Variants in ARFGEF1 observed in about 807,000 individuals in gnomAD.
ARFGEF1 encodes brefeldin A-inhibited guanine nucleotide-exchange protein 1.
In ARFGEF1, 42 loss-of-function variants were observed where a neutral mutation model predicts 231.0. The ratio of observed to expected loss-of-function variants is 0.18; its 90% confidence interval spans 0.14 to 0.24. The LOEUF is 0.24. Ranked by LOEUF, ARFGEF1 falls within the 10% of genes least tolerant of loss-of-function variation. The pLI, the probability that ARFGEF1 is intolerant of heterozygous loss-of-function variation, is 1.00. For synonymous variants in ARFGEF1, 710 were observed against 732.3 expected (o/e 0.97, Z 0.49); for missense variants, 1,345 against 2,192.0 (o/e 0.61, Z 7.72).
intron 5 of ARFGEF1, among the ~76,000 whole-genome samples, chr8:67,292,838 A>G (rs569470291): frequency 2.0e-5 from 3 of 152,286 alleles, no homozygotes; most frequent in Non-Finnish European, 4.4e-5. Flanking sequence ...AGACCTGATA[A>G]GAATGAGTCT....
chr8:67,211,567 T>C lies in ARFGEF1; in HGVS notation c.4735A>G (p.Arg1579Gly), dbSNP rs755463973. The C allele has an allele frequency of 6.4e-7, 1 of 1,569,510 alleles. No homozygotes were observed. Among genetic ancestry groups the C allele is most frequent in the Admixed American group, 1.8e-5 (1 of 54,482 alleles). The change falls in exon 34 of 39, where the codon AGG (arginine) becomes GGG (glycine). Residue 1579 changes from arginine to glycine, a missense_variant. This residue lies in a region of ARFGEF1 where 89 missense variants were observed against 74.8 expected (regional missense o/e 1.19). Transcript: ENST00000262215. ...SVDIHDSIQPRSVDNRPQAPL... is the reference protein window; with the variant it reads ...SVDIHDSIQPGSVDNRPQAPL... ...GCTTGTGGTCTGTTATCCACAGACC[T>C]TGGTTGAATAGAATCATGAATATCT... is the stretch of plus-strand genomic sequence containing the variant.
intron 17 of ARFGEF1, among the ~76,000 whole-genome samples, chr8:67,255,780 C>T (rs1840434999): frequency 6.6e-6 from 1 of 152,184 alleles, no homozygotes; most frequent in Non-Finnish European, 1.5e-5. Flanking sequence ...CAAGCAGTTG[C>T]CACCGCTAGA....
chr8:67,178,328 G>C lies in ARFGEF1; in HGVS notation c.561-2756C>G, dbSNP rs558951605. On this transcript the variant is annotated intron_variant, in intron 5 of 5. Coordinates refer to the ARFGEF1 transcript ENST00000518789. The stretch of plus-strand genomic sequence containing the variant: ...TAACACCCACCTGTATCCTGAGGGG[G>C]GTACTTTTTGTGCAAGACTGAATAA... Among the ~76,000 whole-genome samples the C allele has an allele frequency of 2.8e-4, 43 of 152,200 alleles. 2 individuals carry two copies. In the South Asian group the frequency reaches 8.7e-3, roughly 31 times the overall value.
chr8:67,267,528 C>T, intron 10 of ARFGEF1, 86 bp from the exon 11 acceptor site: 1 of 848,556 alleles, frequency 1.2e-6, no homozygotes, highest in Non-Finnish European at 1.9e-6. Flanking sequence ...AGCTATAGAG[C>T]AGGTATTAGG....
chr8:67,226,981 ATAG>A (rs1485148724), intron 27 of ARFGEF1, among the ~76,000 whole-genome samples, 153 bp downstream of exon 27: 2 of 152,132 alleles, frequency 1.3e-5, no homozygotes, highest in Non-Finnish European at 2.9e-5. Context: ...GTTAACTATA[ATAG>A]TAATTTAATT....
downstream of ARFGEF1, chr8:67,174,225 A>G (rs1057418064): frequency 2.0e-5 from 3 of 152,116 alleles, no homozygotes; most frequent in Non-Finnish European, 4.4e-5. Context: ...CCAGGGACCA[A>G]TCCAAGTTTA....
rs143715317 is a variant in ARFGEF1 at position 67,314,769 on chromosome 8, G to A, written c.125-12303C>T. On this transcript the variant is annotated intron_variant, in intron 1 of 38. Transcript: ENST00000262215. ...CAAGCCTCCACATGCTGCTCTGTCC[G>A]GAGCTGCAATCTAATCTGGCCTCCT... Among the ~76,000 whole-genome samples the A allele has an allele frequency of 7.9e-3, 1,200 of 152,266 alleles. 12 individuals carry two copies. Among genetic ancestry groups the A allele is most frequent in the African/African-American group, 0.027 (1,140 of 41,542 alleles).
chr8:67,267,306 A>T, intron 11 of ARFGEF1, 37 bp downstream of exon 11: 1 of 1,585,964 alleles, frequency 6.3e-7, no homozygotes, highest in South Asian at 1.2e-5. Flanking sequence ...ATATCTAATA[A>T]TAAGAAAGAG....
chr8:67,198,079 T>C lies in ARFGEF1; in HGVS notation c.*855A>G. 1.0e-6 allele frequency: 1 copy of C among 985,850 alleles called. No homozygotes were observed. Among genetic ancestry groups the C allele is most frequent in the Non-Finnish European group, 1.2e-6 (1 of 829,920 alleles). The allele number at this position is 985,850 out of a possible 1,614,324, so 61.1% of individuals were successfully genotyped here. The stretch of plus-strand genomic sequence containing the variant: ...TTTGGTCCATAAAGGATCATTCTAT[T>C]TTAATGGCTCATCTTTAAAAGTCCT... On this transcript the variant is annotated 3_prime_UTR_variant, in exon 39 of 39. Transcript: ENST00000262215.
intron 1 of ARFGEF1, among the ~76,000 whole-genome samples, chr8:67,340,143 A>G (rs1991656): frequency 6.6e-5 from 10 of 152,330 alleles, no homozygotes; most frequent in African/African-American, 2.4e-4. Flanking sequence ...AATACTCAGA[A>G]ATCTACTCAC....
At chr8:67,209,093 T>G (rs1006521190) in intron 34 of ARFGEF1, among the ~76,000 whole-genome samples, 15 of 152,216 alleles carry the variant, frequency 9.9e-5, no homozygotes, top group Non-Finnish European at 2.2e-4. Flanking sequence ...CCTAGGTAGA[T>G]AATGCAAAAG....
In ARFGEF1 at chr8:67,302,453, C is replaced by T. The variant is rs200958586; in HGVS notation, c.138G>A (p.Ala46=). Residue 46 remains alanine, a synonymous_variant, in exon 2 of 39, where the codon GCG becomes GCA. Coordinates refer to ENST00000262215, the MANE Select transcript of ARFGEF1 (RefSeq NM_006421.5). Reference sequence around the variant, plus strand: ...CCACAAACCTCTGTTTTTCAGTTTCCGCTTTTATTTCCTCTGAGGGGAAAA... The same window carrying T: ...CCACAAACCTCTGTTTTTCAGTTTCTGCTTTTATTTCCTCTGAGGGGAAAA... ...ACEVALEEIK[A]ETEKQSPPHG... 15 of 1,570,196 alleles carry T rather than the reference C, an allele frequency of 9.6e-6. No homozygotes were observed. The highest frequency in any genetic ancestry group is 4.1e-5 in the African/African-American group (3 of 72,770).
chr8:67,301,100 GA>G, intron 3 of ARFGEF1, 123 bp downstream of exon 3: 1 of 950,772 alleles, frequency 1.1e-6, no homozygotes, highest in Non-Finnish European at 1.5e-6. Flanking sequence ...AAATCACTTG[GA>G]TTTTTTACCA....
chr8:67,341,689 T>C (rs1234502472), intron 1 of ARFGEF1, among the ~76,000 whole-genome samples: 1 of 152,198 alleles, frequency 6.6e-6, no homozygotes, highest in African/African-American at 2.4e-5. Context: ...AACAATTCTT[T>C]TAAAAATCCT....
intron 17 of ARFGEF1, among the ~76,000 whole-genome samples, chr8:67,255,045 G>A (rs1840411237): frequency 6.6e-6 from 1 of 152,172 alleles, no homozygotes; most frequent in East Asian, 1.9e-4. Flanking sequence ...GAAATTTTAA[G>A]CATGGCAAAA....
At chr8:67,242,323 G>C (rs534806708) in intron 19 of ARFGEF1, among the ~76,000 whole-genome samples, 25 of 152,352 alleles carry the variant, frequency 1.6e-4, no homozygotes, top group Admixed American at 1.4e-3. Context: ...AAGGAAAGGA[G>C]AGGGAAGAAT....
At chr8:67,222,227 A>ATATGTATATGTATG (rs1839213904) in intron 29 of ARFGEF1, among the ~76,000 whole-genome samples, 2 of 115,156 alleles carry the variant, frequency 1.7e-5, no homozygotes, top group South Asian at 5.7e-4. Context: ...ATATATATGT[A>ATATGTATATGTATG]TATGTATGTA....
rs1839422439 is a variant in ARFGEF1, at chr8:67,227,697, A to G, written c.3592-99T>C. ...TTAGAAAAAGTATAGAATAGCATAG[A>G]TAGGTAAATCCTAAGATTTTCCATA... On this transcript the variant is annotated intron_variant, in intron 25 of 38. Transcript: ENST00000262215. 4 of 1,295,752 alleles carry G rather than the reference A, an allele frequency of 3.1e-6. No individual in the cohort carries two copies. In the Admixed American group the frequency reaches 6.8e-5, roughly 22 times the overall value. The allele number at this position is 1,295,752 out of a possible 1,614,324, so 80.3% of individuals were successfully genotyped here.
chr8:67,216,441 AAAAAATGTCTATTTATAAGT>A, intron 33 of ARFGEF1, 129 bp downstream of exon 33: 1 of 729,660 alleles, frequency 1.4e-6, no homozygotes, highest in Non-Finnish European at 2.1e-6. Context: ...AATTGTAAAA[AAAAAATGTCTATTTATAAGT>A]AATCCAGTCT....
Sources: allele counts gnomAD v4.1 joint callset (sites outside exome capture counted in the v4.1 genomes callset), GRCh38; gene constraint gnomAD v4.1.1; regional missense constraint gnomAD v4.1.1; transcripts MANE v1.5; gene names NCBI Gene and HGNC (gene_info 2026-07-23, HGNC 2026-07-21).